The following ANXA5 variants were observed in gnomAD, a reference collection of about 807,000 sequenced individuals.
The protein encoded by ANXA5 is annexin A5, also known as CBP-I.
A neutral mutation model predicts 48.1 loss-of-function variants in ANXA5; 40 were observed. The ratio of observed to expected loss-of-function variants is 0.83; its 90% CI spans 0.65 to 1.08. The LOEUF is 1.08. ANXA5 is among the 50% of genes least tolerant of loss of function. ANXA5 has a pLI of 0.00. For synonymous variants in ANXA5, 113 were observed against 129.1 expected (o/e 0.88, Z 0.85); for missense variants, 357 against 376.8 (o/e 0.95, Z 0.44).
intron 2 of ANXA5, among the ~76,000 whole-genome samples, chr4:121,690,354 G>A (rs1342424407): frequency 6.6e-6 from 1 of 152,148 alleles, no homozygotes; most frequent in African/African-American, 2.4e-5. Context: ...CATGGAAGCT[G>A]AAGGAGGCAA....
In ANXA5 at chr4:121,671,606, A is replaced by C. The variant is rs1160145684; in HGVS notation, c.662T>G (p.Ile221Ser). The C allele has an allele frequency of 6.2e-7, 1 of 1,613,488 alleles. No homozygotes were observed. Among genetic ancestry groups the C allele is most frequent in the Non-Finnish European group, 8.5e-7 (1 of 1,179,526 alleles). The change falls in exon 10 of 13, where the codon ATT becomes AGT. Residue 221 changes from isoleucine to serine, a missense_variant. Transcript: ENST00000296511. ...AGTCTCGCGGTCAATGGTTTCCTCA[A>C]TTTGAAATCCTGATATAGTCATGTA... Reference protein sequence around the residue: ...DKYMTISGFQIEETIDRETSG... With the variant: ...DKYMTISGFQSEETIDRETSG...
chr4:121,684,742 A>G lies in ANXA5; in HGVS notation c.124T>C (p.Leu42=), dbSNP rs768613921. 29 of 1,613,930 alleles carry G rather than the reference A, an allele frequency of 1.8e-5. No individual in the cohort carries two copies. The highest frequency in any genetic ancestry group is 3.3e-4 in the Middle Eastern group (2 of 6,082). Residue 42 remains leucine (L), a synonymous_variant, in exon 4 of 13, where the codon TTG becomes CTG. Coordinates refer to ENST00000296511, the MANE Select transcript of ANXA5 (RefSeq NM_001154.4). Reference sequence around the variant, plus strand: ...CGCTGAGCATTACTTCGGGATGTCAACAGAGTCAGGATGCTCTCCTCATCT... The same window carrying G: ...CGCTGAGCATTACTTCGGGATGTCAGCAGAGTCAGGATGCTCTCCTCATCT... ...GTDEESILTL[L]TSRSNAQRQE...
At chr4:121,670,821 C>G (rs1724600113) in intron 10 of ANXA5, among the ~76,000 whole-genome samples, 1 of 152,100 alleles carries the variant, frequency 6.6e-6, no homozygotes, top group African/African-American at 2.4e-5. Context: ...AAGTGAAAGG[C>G]TACTTTTAGA....
At position 121,694,108 on chromosome 4, in the gene ANXA5, G is replaced by T. The variant is rs1161492162; in HGVS notation, c.9+2473C>A. 2.6e-4 allele frequency among the ~76,000 whole-genome samples: 12 copies of T among 45,616 alleles called. No homozygotes were observed. The South Asian group carries it at 5.1e-3, about 19-fold the overall frequency. The allele number at this position is 45,616 out of a possible 152,430, so 29.9% of individuals were successfully genotyped here. A position where few individuals can be genotyped will look rare whatever the true frequency, so the allele number is the denominator to read the frequency against. On this transcript the variant is annotated intron_variant, in intron 2 of 12. Transcript: ENST00000296511. ...CACCGGGGCCTATTGTGGGCGGGGG[G>T]GAGGGGGGAGGGATAGCATTAGGAG...
chr4:121,692,826 AT>A, intron 2 of ANXA5, among the ~76,000 whole-genome samples: 1 of 152,256 alleles, frequency 6.6e-6, no homozygotes, highest in Middle Eastern at 3.2e-3. Context: ...ATATCAATAA[AT>A]CTTAGATCCA....
intron 9 of ANXA5, 21 bp from the exon 10 acceptor site, chr4:121,671,663 T>C (rs1245898613): frequency 2.0e-6 from 3 of 1,498,144 alleles, no homozygotes; most frequent in Non-Finnish European, 2.8e-6. Context: ...TAAAAATGAT[T>C]CCCTAATCAT....
chr4:121,685,042 A>G (rs1724860149), intron 3 of ANXA5, among the ~76,000 whole-genome samples: 3 of 147,404 alleles, frequency 2.0e-5, no homozygotes, highest in African/African-American at 7.7e-5. Context: ...ATGTATATAT[A>G]TATATATATA....
At chr4:121,672,506 T>C (rs1052338174) in intron 9 of ANXA5, 27 bp downstream of exon 9, 28 of 1,538,202 alleles carry the variant, frequency 1.8e-5, no homozygotes, top group Non-Finnish European at 2.4e-5. Flanking sequence ...CCAATGTATC[T>C]GCCCCATACA....
intron 5 of ANXA5, among the ~76,000 whole-genome samples, chr4:121,682,199 C>T (rs908862168): frequency 6.6e-6 from 1 of 151,972 alleles, no homozygotes; most frequent in African/African-American, 2.4e-5. Context: ...AAGATAAACC[C>T]CTGACCCCCA....
chr4:121,678,524 C>T, intron 6 of ANXA5, 30 bp from the exon 7 acceptor site: 2 of 1,546,738 alleles, frequency 1.3e-6, no homozygotes, highest in East Asian at 2.2e-5. Context: ...TACTTATTTA[C>T]ATCTTCTTTC....
chr4:121,674,273 G>A (rs1365738062), intron 8 of ANXA5, among the ~76,000 whole-genome samples: 1 of 122,238 alleles, frequency 8.2e-6, no homozygotes, highest in East Asian at 2.4e-4. Context: ...GAAGGAGAAG[G>A]GAGGGGAAGG....
intron 6 of ANXA5, among the ~76,000 whole-genome samples, chr4:121,680,013 G>GT: frequency 6.6e-6 from 1 of 152,222 alleles, no homozygotes; most frequent in South Asian, 2.1e-4. Context: ...CTAAAATCGT[G>GT]TATGCTTTGA....
intron 8 of ANXA5, among the ~76,000 whole-genome samples, chr4:121,677,527 C>T (rs1180518080): frequency 6.6e-6 from 1 of 152,102 alleles, no homozygotes; most frequent in Non-Finnish European, 1.5e-5. Context: ...CTGTTAAATA[C>T]TTTATTCTTT....
intron 9 of ANXA5, among the ~76,000 whole-genome samples, chr4:121,672,132 C>T (rs906474392): frequency 1.3e-5 from 2 of 152,134 alleles, no homozygotes; most frequent in African/African-American, 2.4e-5. Context: ...TTTTTAAAGC[C>T]ACTATTAGGG....
At chr4:121,668,685 T>C (rs1483241262) in intron 12 of ANXA5, among the ~76,000 whole-genome samples, 158 bp from the exon 13 acceptor site, 1 of 152,198 alleles carries the variant, frequency 6.6e-6, no homozygotes. Flanking sequence ...GGGAGTTTCC[T>C]ACCAATGTAA....
In ANXA5 at chr4:121,686,350, T is replaced by G; in HGVS notation, c.32A>C (p.Asp11Ala). The G allele has an allele frequency of 6.2e-7, 1 of 1,614,066 alleles. No homozygotes were observed. The highest frequency in any genetic ancestry group is 8.5e-7 in the Non-Finnish European group (1 of 1,179,924). ...AGCCCGCTCATCAAATCCAGGGAAG[T>G]CAGTCACAGTGCCTCTGAGAACCTA... MAQVLRGTVTDFPGFDERADA... is the reference protein window; with the variant it reads MAQVLRGTVTAFPGFDERADA... The change falls in exon 3 of 13, where the codon GAC (aspartate) becomes GCC (alanine). Residue 11 changes from aspartate to alanine, a missense_variant. Coordinates refer to ENST00000296511, the MANE Select transcript of ANXA5 (RefSeq NM_001154.4).
At chr4:121,678,303 C>T in intron 7 of ANXA5, 112 bp downstream of exon 7, 1 of 827,816 alleles carries the variant, frequency 1.2e-6, no homozygotes, top group South Asian at 1.7e-5. Flanking sequence ...CAGTAAGAAT[C>T]AGCAAGTACC....
chr4:121,692,665 A>G (rs368217709), intron 2 of ANXA5, among the ~76,000 whole-genome samples: 3 of 152,200 alleles, frequency 2.0e-5, no homozygotes, highest in Admixed American at 6.5e-5. Context: ...ACCTCTCTGT[A>G]TGATGGCTTC....
chr4:121,670,084 T>C, intron 10 of ANXA5, 72 bp from the exon 11 acceptor site: 1 of 1,055,756 alleles, frequency 9.5e-7, no homozygotes, highest in Non-Finnish European at 1.4e-6. Context: ...AAAAATCAAG[T>C]GCTGCTTCCT....
Sources: allele counts gnomAD v4.1 joint callset (sites outside exome capture counted in the v4.1 genomes callset), GRCh38; gene constraint gnomAD v4.1.1; transcripts MANE v1.5; gene names NCBI Gene and HGNC (gene_info 2026-07-23, HGNC 2026-07-21).